The following SV2B variants were observed in gnomAD, a reference collection of about 807,000 sequenced individuals.
The protein encoded by SV2B is synaptic vesicle glycoprotein 2B.
SV2B carries 41 observed loss-of-function variants against 73.9 expected under a neutral mutation model. That is an observed-to-expected ratio of 0.56 (90% CI 0.43 to 0.72). SV2B has a LOEUF of 0.72. SV2B is among the 30% of genes least tolerant of loss of function. The pLI is 0.00. For missense variants in SV2B, 764 were observed against 857.8 expected (o/e 0.89, Z 1.37); for synonymous variants, 314 against 314.2 (o/e 1.00, Z 0.01).
intron 1 of SV2B, among the ~76,000 whole-genome samples, chr15:91,213,833 C>T (rs1017132677): frequency 6.6e-6 from 1 of 152,098 alleles, no homozygotes; most frequent in Non-Finnish European, 1.5e-5. Context: ...GGCTCTGAAC[C>T]TGAGTCTTGT....
chr15:91,284,814 A>T lies in SV2B; in HGVS notation c.1708+593A>T, dbSNP rs1343865826. The stretch of plus-strand genomic sequence containing the variant: ...ATAAGGTACCTGTAACACTTGGCAC[A>T]TCGTCGGTTCTCAAAAATGGTAGCT... On this transcript the variant is annotated intron_variant, in intron 11 of 12. Coordinates refer to ENST00000394232, the MANE Select transcript of SV2B (RefSeq NM_001323032.3). This position sits in a 1 kb window ranked among gnomAD's most constrained non-coding sequence, Gnocchi z 4.5. Among the ~76,000 whole-genome samples the T allele has an allele frequency of 6.6e-6, 1 of 152,218 alleles. No homozygotes were observed. Among genetic ancestry groups the T allele is most frequent in the Non-Finnish European group, 1.5e-5 (1 of 68,036 alleles).
chr15:91,267,213 G>A lies in SV2B; in HGVS notation c.1120-342G>A, dbSNP rs1165785591. On this transcript the variant is annotated intron_variant, in intron 7 of 12. Coordinates refer to ENST00000394232, the MANE Select transcript of SV2B (RefSeq NM_001323032.3). The surrounding 1 kb of genome is among the most constrained non-coding windows in gnomAD (Gnocchi z 4.3). The stretch of plus-strand genomic sequence containing the variant: ...CATGGTGTATGGTCAGTAAATGTTT[G>A]CAATATCCCCCTTGCCCACAGGCAG... 1.3e-5 allele frequency among the ~76,000 whole-genome samples: 2 copies of A among 152,204 alleles called. No homozygotes were observed. The highest frequency in any genetic ancestry group is 2.9e-5 in the Non-Finnish European group (2 of 68,032).
At chr15:91,199,633 C>T (rs779488543) in intron 1 of SV2B, among the ~76,000 whole-genome samples, 3 of 152,170 alleles carry the variant, frequency 2.0e-5, no homozygotes, top group Admixed American at 6.5e-5. Context: ...CCAGGCCTGT[C>T]GCCGTTGAAG....
In SV2B at chr15:91,128,657, C is replaced by T. The variant is rs1055266771; in HGVS notation, c.-392+28294C>T. 2 of 152,410 alleles carry T rather than the reference C, an allele frequency of 1.3e-5. No individual in the cohort carries two copies. Among genetic ancestry groups the T allele is most frequent in the African/African-American group, 2.4e-5 (1 of 41,580 alleles). The allele number at this position is 152,410 out of a possible 1,614,324, so 9.4% of individuals were successfully genotyped here. ...AAACCTAAAAATACTACTCCCACTT[C>T]CCTCTGCCTTTCTGTGTAAAACCTG... is the stretch of plus-strand genomic sequence containing the variant. On this transcript the variant is annotated intron_variant, in intron 1 of 12. Transcript: ENST00000394232. The surrounding 1 kb of genome is among the most constrained non-coding windows in gnomAD (Gnocchi z 4.2).
chr15:91,255,732 A>G (rs1435487266), intron 4 of SV2B, among the ~76,000 whole-genome samples: 1 of 152,212 alleles, frequency 6.6e-6, no homozygotes, highest in Non-Finnish European at 1.5e-5. Context: ...AGCCTCTTGG[A>G]TGATCAGGCT....
rs147821183 is a variant in SV2B, at chr15:91,296,788, A to G, written c.*4236A>G. The G allele has an allele frequency of 1.0e-3, 108 of 104,544 alleles. 2 individuals are homozygous for G. The highest frequency in any genetic ancestry group is 3.4e-3 in the African/African-American group (87 of 25,824). 6.5% of individuals were successfully genotyped at this position (104,544 alleles called of 1,614,324 possible). A position where few individuals can be genotyped will look rare whatever the true frequency, so the allele number is the denominator to read the frequency against. ...CGTTGGGAGCACACTCCTTCTGCCC[A>G]ATCATTGGGCTCACGCTCCTTCTGC... On this transcript the variant is annotated 3_prime_UTR_variant, in exon 13 of 13. Transcript: ENST00000394232.
At chr15:91,173,415 C>T (rs1469912941) in intron 1 of SV2B, among the ~76,000 whole-genome samples, 1 of 152,156 alleles carries the variant, frequency 6.6e-6, no homozygotes, top group East Asian at 1.9e-4. Flanking sequence ...TCTGATCTTA[C>T]CAGGTTGTTT....
rs1481602485 is a variant in SV2B, at chr15:91,267,546, G to C, written c.1120-9G>C. On this transcript the variant is annotated splice_polypyrimidine_tract_variant and intron_variant, in intron 7 of 12. Coordinates refer to ENST00000394232, the MANE Select transcript of SV2B (RefSeq NM_001323032.3). This position sits in a 1 kb window ranked among gnomAD's most constrained non-coding sequence, Gnocchi z 4.3. ...TTCTTTAACAATCCTTCTCTGGTAT[G>C]GGTTGTAGGTCTGGGATAATGCCCT... The C allele has an allele frequency of 1.2e-5, 19 of 1,609,458 alleles. No homozygotes were observed. The highest frequency in any genetic ancestry group is 1.7e-4 in the Middle Eastern group (1 of 6,054).
At chr15:91,273,045 C>T (rs377005428) in intron 9 of SV2B, among the ~76,000 whole-genome samples, 283 of 152,176 alleles carry the variant, frequency 1.9e-3, no homozygotes, top group African/African-American at 4.9e-3. Context: ...GTTTGCCAGG[C>T]TGGTCTCGAA....
rs1431840262 is a variant in SV2B at position 91,242,697 on chromosome 15, A to G, written c.452-9122A>G. On this transcript the variant is annotated intron_variant, in intron 2 of 12. Coordinates refer to ENST00000394232, the MANE Select transcript of SV2B (RefSeq NM_001323032.3). The surrounding 1 kb of genome is among the most constrained non-coding windows in gnomAD (Gnocchi z 4.9). ...TACTTGATAAAAGGGTGAATAGCAG[A>G]ATAAGAGTAACCGTCATAGGATGAA... is the stretch of plus-strand genomic sequence containing the variant. Among the ~76,000 whole-genome samples, 1 of 152,216 alleles carries G rather than the reference A, an allele frequency of 6.6e-6. No homozygotes were observed. The highest frequency in any genetic ancestry group is 1.9e-4 in the East Asian group (1 of 5,196).
At chr15:91,233,690 T>TA (rs2046669971) in intron 2 of SV2B, among the ~76,000 whole-genome samples, 1 of 120,088 alleles carries the variant, frequency 8.3e-6, no homozygotes, top group African/African-American at 5.7e-5. Flanking sequence ...GCATCCTCTC[T>TA]GCCCCCATTC....
rs2046982363 is a variant in SV2B, at chr15:91,240,844, GC to G, written c.452-10973del. 6.6e-6 allele frequency among the ~76,000 whole-genome samples: 1 copy of G among 152,150 alleles called. No individual in the cohort carries two copies. The highest frequency in any genetic ancestry group is 6.5e-5 in the Admixed American group (1 of 15,288). On this transcript the variant is annotated intron_variant, in intron 2 of 12. Transcript: ENST00000394232. The surrounding 1 kb of genome is among the most constrained non-coding windows in gnomAD (Gnocchi z 4.6). ...TCTGAGGATGTTAATTAGCCCTGCAGCCTCAGATGAGTGCTCTTGGCCCCGT... is the reference window on the plus strand; with the variant it reads ...TCTGAGGATGTTAATTAGCCCTGCAGCTCAGATGAGTGCTCTTGGCCCCGT...
chr15:91,264,975 A>G (rs1480689440), intron 6 of SV2B, among the ~76,000 whole-genome samples: 1 of 152,182 alleles, frequency 6.6e-6, no homozygotes, highest in Non-Finnish European at 1.5e-5. Flanking sequence ...TGATGATTAT[A>G]TTAATGATGT....
chr15:91,125,798 A>AAAAAAAAAAAAAAAAAAAAAAG (rs1567271927), intron 1 of SV2B, among the ~76,000 whole-genome samples: 1 of 150,974 alleles, frequency 6.6e-6, no homozygotes, highest in Non-Finnish European at 1.5e-5. Context: ...AAAAAAAAAA[A>AAAAAAAAAAAAAAAAAAAAAAG]AATTCAGTCA....
At chr15:91,163,633 T>G (rs1378130976) in intron 1 of SV2B, among the ~76,000 whole-genome samples, 1 of 152,236 alleles carries the variant, frequency 6.6e-6, no homozygotes, top group African/African-American at 2.4e-5. Flanking sequence ...CTTGTAAATT[T>G]GTTTAAGTTC....
At chr15:91,160,014 G>A (rs971312474) in intron 1 of SV2B, among the ~76,000 whole-genome samples, 1 of 152,070 alleles carries the variant, frequency 6.6e-6, no homozygotes, top group Non-Finnish European at 1.5e-5. Context: ...TATAAGAAAT[G>A]TAATATCTAC....
Position 91,100,586 on chromosome 15 carries a change from C to T in SV2B, c.-392+223C>T, listed in dbSNP as rs2041695881. Among the ~76,000 whole-genome samples the T allele has an allele frequency of 6.6e-6, 1 of 152,238 alleles. No individual in the cohort carries two copies. The highest frequency in any genetic ancestry group is 1.5e-5 in the Non-Finnish European group (1 of 68,032). Reference sequence around the variant, plus strand: ...CTGGAGCTGTGCGCTTCTTTGAAAGCGGCCTCCCCAAGGGCTGTTTTAAAA... The same window carrying T: ...CTGGAGCTGTGCGCTTCTTTGAAAGTGGCCTCCCCAAGGGCTGTTTTAAAA... On this transcript the variant is annotated intron_variant, in intron 1 of 12. Coordinates refer to ENST00000394232, the MANE Select transcript of SV2B (RefSeq NM_001323032.3). The surrounding 1 kb of genome is among the most constrained non-coding windows in gnomAD (Gnocchi z 6.4).
At chr15:91,189,532 C>G (rs1404522829) in intron 1 of SV2B, among the ~76,000 whole-genome samples, 1 of 152,116 alleles carries the variant, frequency 6.6e-6, no homozygotes, top group Non-Finnish European at 1.5e-5. Context: ...CAGTTTTCTC[C>G]AAAGTACCTT....
intron 1 of SV2B, among the ~76,000 whole-genome samples, chr15:91,196,122 AG>A (rs2045237068): frequency 6.6e-6 from 1 of 152,262 alleles, no homozygotes; most frequent in African/African-American, 2.4e-5. Context: ...TAGCTCACAC[AG>A]GCCAAGATGC....
Sources: allele counts gnomAD v4.1 joint callset (sites outside exome capture counted in the v4.1 genomes callset), GRCh38; gene constraint gnomAD v4.1.1; non-coding constraint Gnocchi (gnomAD v3.1); transcripts MANE v1.5; gene names NCBI Gene and HGNC (gene_info 2026-07-23, HGNC 2026-07-21).